The following KIF21A variants were observed in gnomAD, a reference collection of about 807,000 sequenced individuals.
KIF21A encodes the protein kinesin-like protein KIF21A.
KIF21A carries 114 observed loss-of-function variants against 202.9 expected under a neutral mutation model. The ratio of observed to expected loss-of-function variants is 0.56; its 90% CI spans 0.48 to 0.66. The LOEUF is 0.66. KIF21A is among the 30% of genes least tolerant of loss of function. The pLI, the probability that KIF21A is intolerant of heterozygous loss-of-function variation, is 0.00. For missense variants in KIF21A, 1,677 were observed against 1,994.9 expected, an observed-to-expected ratio of 0.84 and a Z score of 3.04; for synonymous variants, 667 against 670.8, an observed-to-expected ratio of 0.99 and a Z score of 0.09.
At chr12:39,412,215 G>T (rs1953152678) in intron 1 of KIF21A, among the ~76,000 whole-genome samples, 1 of 152,090 alleles carries the variant, frequency 6.6e-6, no homozygotes, top group Non-Finnish European at 1.5e-5. Flanking sequence ...TTCTCAATAA[G>T]TACAATGATT....
At chr12:39,396,110 C>G (rs1951736679) in intron 1 of KIF21A, among the ~76,000 whole-genome samples, 1 of 152,098 alleles carries the variant, frequency 6.6e-6, no homozygotes, top group Non-Finnish European at 1.5e-5. Flanking sequence ...GACCTCCGGA[C>G]CAGTGATTAC....
chr12:39,340,437 A>G (rs1947346544), intron 15 of KIF21A, 73 bp from the exon 16 acceptor site: 1 of 1,154,534 alleles, frequency 8.7e-7, no homozygotes, highest in Non-Finnish European at 1.3e-6. Flanking sequence ...TTTACAGTCC[A>G]TATCCTAAGA....
chr12:39,406,243 A>C (rs2139956545), intron 1 of KIF21A, among the ~76,000 whole-genome samples: 1 of 152,340 alleles, frequency 6.6e-6, no homozygotes, highest in East Asian at 1.9e-4. Context: ...ATTATGTAAA[A>C]GTGAAAACAT....
chr12:39,333,494 G>A (rs949090651), intron 17 of KIF21A, among the ~76,000 whole-genome samples: 16 of 152,038 alleles, frequency 1.1e-4, no homozygotes, highest in Non-Finnish European at 2.1e-4. Context: ...TTGAAAAAAT[G>A]AAAGGTTATC....
intron 1 of KIF21A, among the ~76,000 whole-genome samples, chr12:39,385,785 G>A (rs1403754260): frequency 6.6e-6 from 1 of 152,142 alleles, no homozygotes; most frequent in African/African-American, 2.4e-5. Context: ...AAACTCACAG[G>A]TGAAGACATA....
rs769811096 is a variant in KIF21A at position 39,357,292 on chromosome 12, G to A, written c.1361C>T (p.Thr454Ile). 1 of 1,614,106 alleles carries A rather than the reference G, an allele frequency of 6.2e-7. No individual in the cohort carries two copies. Among genetic ancestry groups the A allele is most frequent in the South Asian group, 1.1e-5 (1 of 91,090 alleles). The change falls in exon 9 of 38, where the codon ACA becomes ATA. Residue 454 changes from threonine (T) to isoleucine (I), a missense_variant. Physicochemically the swap from Thr to Ile is moderately conservative, Grantham distance 89 (BLOSUM62 -1). This residue lies in a region of KIF21A where 966 missense variants were observed against 1,180.9 expected (regional missense o/e 0.82). Coordinates refer to ENST00000361418, the MANE Select transcript of KIF21A (RefSeq NM_001173464.2). The stretch of plus-strand genomic sequence containing the variant: ...GTTGGCCTGATCACTAACAAGCTGT[G>A]TAATTCTGGACCTCAATGCATCAAC... ...ETVDALRSRI[T>I]QLVSDQANHV... is the part of the protein sequence containing the mutation.
At chr12:39,375,990 T>G (rs528404838) in intron 1 of KIF21A, among the ~76,000 whole-genome samples, 1 of 152,238 alleles carries the variant, frequency 6.6e-6, no homozygotes, top group Non-Finnish European at 1.5e-5. Flanking sequence ...ATTCTCTAAG[T>G]CATTTCCCTC....
intron 17 of KIF21A, among the ~76,000 whole-genome samples, chr12:39,335,165 C>A (rs1194056939): frequency 6.6e-6 from 1 of 151,982 alleles, no homozygotes; most frequent in Non-Finnish European, 1.5e-5. Flanking sequence ...TGGCTCACAC[C>A]TTTGGGAGGC....
chr12:39,385,470 A>C (rs1451591844), intron 1 of KIF21A, among the ~76,000 whole-genome samples: 1 of 152,220 alleles, frequency 6.6e-6, no homozygotes, highest in Non-Finnish European at 1.5e-5. Context: ...GTGTGAAAGA[A>C]AGACATAGAA....
chr12:39,436,202 C>A (rs12814820), intron 1 of KIF21A, among the ~76,000 whole-genome samples: 1 of 151,660 alleles, frequency 6.6e-6, no homozygotes, highest in African/African-American at 2.4e-5. Context: ...AAAATTATTT[C>A]TTCGATGTAT....
intron 1 of KIF21A, among the ~76,000 whole-genome samples, chr12:39,397,752 C>T (rs563721479): frequency 2.2e-4 from 33 of 152,282 alleles, no homozygotes; most frequent in Admixed American, 4.6e-4. Context: ...AATAATAACA[C>T]GAACGTTTGG....
Position 39,342,137 on chromosome 12 carries a change from A to T in KIF21A, c.1713-13T>A, listed in dbSNP as rs751960130. The stretch of plus-strand genomic sequence containing the variant: ...TTTACCAGCCACACTAAAAAAAGGA[A>T]CATAAGGGTATGGTGTTAAAATAGA... On this transcript the variant is annotated splice_polypyrimidine_tract_variant and intron_variant, in intron 12 of 37. Transcript: ENST00000361418. 1.8e-5 allele frequency: 28 copies of T among 1,539,476 alleles called. No homozygotes were observed. The South Asian group carries it at 2.9e-4, about 16-fold the overall frequency.
chr12:39,345,063 A>T (rs1430638430), intron 12 of KIF21A, among the ~76,000 whole-genome samples: 1 of 152,170 alleles, frequency 6.6e-6, no homozygotes, highest in Non-Finnish European at 1.5e-5. Flanking sequence ...GCTCCACCTC[A>T]GTCCTACTGA....
At chr12:39,302,101 G>A (rs1436409976) in intron 36 of KIF21A, among the ~76,000 whole-genome samples, 1 of 152,096 alleles carries the variant, frequency 6.6e-6, no homozygotes, top group African/African-American at 2.4e-5. Flanking sequence ...AGAGAATATA[G>A]AGGCCTGAAG....
chr12:39,336,377 A>C (rs1946971500), intron 17 of KIF21A, among the ~76,000 whole-genome samples: 1 of 152,148 alleles, frequency 6.6e-6, no homozygotes. Context: ...TATCCTTTGA[A>C]TTTTCCTTCA....
intron 1 of KIF21A, among the ~76,000 whole-genome samples, chr12:39,387,692 T>C (rs551870807): frequency 2.0e-5 from 3 of 152,126 alleles, no homozygotes; most frequent in African/African-American, 7.2e-5. Context: ...CATTAGTAGA[T>C]GGCAAAGAAA....
At chr12:39,402,953 C>T (rs1952284558) in intron 1 of KIF21A, among the ~76,000 whole-genome samples, 1 of 152,116 alleles carries the variant, frequency 6.6e-6, no homozygotes. Flanking sequence ...GAAACTACTA[C>T]CATCATATGA....
chr12:39,334,200 C>CAAAAAAAAAAAAAAAAAAAAAAAAA (rs576176350), intron 17 of KIF21A, among the ~76,000 whole-genome samples: 2 of 63,756 alleles, frequency 3.1e-5, no homozygotes, highest in East Asian at 3.6e-4. Flanking sequence ...GACTCCATCT[C>CAAAAAAAAAAAAAAAAAAAAAAAAA]AAAAAAAAAA....
At chr12:39,436,425 TATATA>T (rs1566395515) in intron 1 of KIF21A, among the ~76,000 whole-genome samples, 1 of 109,882 alleles carries the variant, frequency 9.1e-6, no homozygotes, top group Non-Finnish European at 1.8e-5. Context: ...TACTATATTA[TATATA>T]TATATATATA....
Sources: gnomAD v4.1 joint callset for allele counts (sites outside exome capture counted in the v4.1 genomes callset) on GRCh38, gnomAD v4.1.1 for gene constraint, gnomAD v4.1.1 regional missense constraint, MANE v1.5 for transcripts, NCBI Gene and HGNC (gene_info 2026-07-23, HGNC 2026-07-21) for gene names.